The following WDPCP variants were observed in gnomAD, a reference collection of about 807,000 sequenced individuals.
WDPCP encodes WD repeat-containing and planar cell polarity effector protein fritz homolog.
In WDPCP, 71 loss-of-function variants were observed where a neutral mutation model predicts 93.1. The observed-to-expected ratio is 0.76, with a 90% CI of 0.63 to 0.93. The LOEUF is 0.93. WDPCP is among the 40% of genes least tolerant of loss of function. The pLI is 0.00. For synonymous variants in WDPCP, 315 were observed against 315.0 expected (o/e 1.00, Z 0.00); for missense variants, 844 against 887.4 (o/e 0.95, Z 0.62).
At chr2:63,563,534 T>C (rs1195055869) in intron 1 of WDPCP, among the ~76,000 whole-genome samples, 1 of 152,062 alleles carries the variant, frequency 6.6e-6, no homozygotes, top group Non-Finnish European at 1.5e-5. Context: ...GTAGATTACT[T>C]GCTGGGACTG....
At chr2:63,337,419 G>T (rs1229474731) in intron 12 of WDPCP, among the ~76,000 whole-genome samples, 1 of 152,026 alleles carries the variant, frequency 6.6e-6, no homozygotes, top group Non-Finnish European at 1.5e-5. Flanking sequence ...CCATATTTTG[G>T]CTATTGTGAA....
chr2:63,796,576 G>A (rs1407199194), intron 2 of WDPCP, among the ~76,000 whole-genome samples: 2 of 152,254 alleles, frequency 1.3e-5, no homozygotes, highest in African/African-American at 4.8e-5. Context: ...CACAGTGACT[G>A]TGAAACATTG....
intron 1 of WDPCP, among the ~76,000 whole-genome samples, chr2:63,550,144 C>T (rs2106350209): frequency 6.6e-6 from 1 of 151,762 alleles, no homozygotes; most frequent in Admixed American, 6.6e-5. Flanking sequence ...GATTCTTTAT[C>T]TCACACATTC....
At chr2:63,267,537 T>C (rs1682241492) in intron 13 of WDPCP, among the ~76,000 whole-genome samples, 1 of 152,042 alleles carries the variant, frequency 6.6e-6, no homozygotes, top group African/African-American at 2.4e-5. Context: ...GAAGTAACAG[T>C]GAAGAGATAA....
intron 9 of WDPCP, among the ~76,000 whole-genome samples, chr2:63,420,260 C>T (rs895213736): frequency 3.3e-5 from 5 of 151,156 alleles, no homozygotes; most frequent in East Asian, 1.9e-4. Flanking sequence ...TGGTGGCTCA[C>T]GCCTGTAATC....
chr2:63,796,181 G>C (rs531013757), intron 2 of WDPCP, among the ~76,000 whole-genome samples: 4 of 152,290 alleles, frequency 2.6e-5, no homozygotes, highest in African/African-American at 9.6e-5. Flanking sequence ...GCAGCTATCA[G>C]GTGAACATGA....
chr2:63,500,345 A>G lies in WDPCP; in HGVS notation c.76-7405T>C, dbSNP rs538820450. Among the ~76,000 whole-genome samples the G allele has an allele frequency of 5.9e-5, 9 of 152,310 alleles. No homozygotes were observed. In the South Asian group the frequency reaches 6.2e-4, roughly 11 times the overall value. On this transcript the variant is annotated intron_variant, in intron 1 of 17. Coordinates refer to ENST00000272321, the MANE Select transcript of WDPCP (RefSeq NM_015910.7). The stretch of plus-strand genomic sequence containing the variant: ...CATTGAGTAAGATCACAGAAGAAAA[A>G]TAAAGTCAAAGATAGATAGTCTGGT...
chr2:63,780,566 T>C (rs1170506575), intron 2 of WDPCP, among the ~76,000 whole-genome samples: 1 of 152,202 alleles, frequency 6.6e-6, no homozygotes, highest in Non-Finnish European at 1.5e-5. Context: ...AGCACGTAAC[T>C]CCCAAGGACA....
At chr2:63,694,999 A>C (rs1025332455) in intron 2 of WDPCP, among the ~76,000 whole-genome samples, 3 of 152,220 alleles carry the variant, frequency 2.0e-5, no homozygotes, top group Non-Finnish European at 4.4e-5. Flanking sequence ...AAAAACACAG[A>C]CAAATACAGG....
At chr2:63,706,652 C>T (rs1216413679) in intron 2 of WDPCP, among the ~76,000 whole-genome samples, 3 of 145,362 alleles carry the variant, frequency 2.1e-5, no homozygotes, top group African/African-American at 7.7e-5. Flanking sequence ...CTCTGTCGCC[C>T]AGGCTGGACT....
At chr2:63,653,850 C>T (rs765215229) in intron 2 of WDPCP, among the ~76,000 whole-genome samples, 2 of 148,242 alleles carry the variant, frequency 1.3e-5, no homozygotes, top group Non-Finnish European at 3.0e-5. Flanking sequence ...ACAAAGGTTG[C>T]AGTGAGTTGA....
chr2:63,545,198 A>C (rs1276883067), intron 1 of WDPCP, among the ~76,000 whole-genome samples: 2 of 152,098 alleles, frequency 1.3e-5, no homozygotes, highest in Non-Finnish European at 2.9e-5. Context: ...CAGTTCTCCA[A>C]CTTGCCAACC....
intron 12 of WDPCP, among the ~76,000 whole-genome samples, chr2:63,320,089 A>G (rs976705807): frequency 6.6e-6 from 1 of 152,186 alleles, no homozygotes; most frequent in Non-Finnish European, 1.5e-5. Context: ...CTTATATTGA[A>G]AAGAAGGTTA....
chr2:63,814,147 A>T (rs1670898736), intron 1 of WDPCP, among the ~76,000 whole-genome samples: 1 of 152,202 alleles, frequency 6.6e-6, no homozygotes, highest in South Asian at 2.1e-4. Context: ...CACCTAGTGT[A>T]TGCAATATGT....
chr2:63,463,731 G>A (rs1414018442), intron 6 of WDPCP, among the ~76,000 whole-genome samples: 1 of 152,106 alleles, frequency 6.6e-6, no homozygotes, highest in Non-Finnish European at 1.5e-5. Flanking sequence ...AAGACTATTC[G>A]ATGGGGAGAA....
At chr2:63,200,266 T>C (rs1003625252) in intron 14 of WDPCP, among the ~76,000 whole-genome samples, 1 of 152,326 alleles carries the variant, frequency 6.6e-6, no homozygotes, top group South Asian at 2.1e-4. Flanking sequence ...ACATCCACTA[T>C]GGAGAACAGG....
At chr2:63,722,018 C>T (rs377200543) in intron 2 of WDPCP, among the ~76,000 whole-genome samples, 1 of 152,144 alleles carries the variant, frequency 6.6e-6, no homozygotes. Context: ...GACGGAGTCT[C>T]GTTCACTCAG....
chr2:63,351,233 C>T (rs1182770977), intron 12 of WDPCP, among the ~76,000 whole-genome samples: 2 of 152,086 alleles, frequency 1.3e-5, no homozygotes, highest in African/African-American at 2.4e-5. Context: ...CCATCCACCT[C>T]GGCCTCCCAA....
At chr2:63,291,993 C>T (rs1224968401) in intron 13 of WDPCP, among the ~76,000 whole-genome samples, 12 of 151,118 alleles carry the variant, frequency 7.9e-5, no homozygotes, top group East Asian at 2.0e-4. Context: ...ATTAGCCGGG[C>T]GCGGTGGCGG....
Sources: gnomAD v4.1 joint callset for allele counts (sites outside exome capture counted in the v4.1 genomes callset) on GRCh38, gnomAD v4.1.1 for gene constraint, MANE v1.5 for transcripts, NCBI Gene and HGNC (gene_info 2026-07-23, HGNC 2026-07-21) for gene names.